C16orf89: variants seen among roughly 807,000 people sequenced by gnomAD.
The protein encoded by C16orf89 is UPF0764 protein C16orf89.
C16orf89 carries 57 observed loss-of-function variants against 41.5 expected under a neutral mutation model. The ratio of observed to expected loss-of-function variants is 1.38; its 90% confidence interval spans 1.11 to 1.71. C16orf89 has a LOEUF of 1.71. C16orf89 is among the 40% of genes most tolerant of loss of function. The probability of loss-of-function intolerance (pLI) is 0.00; values close to 1 mark genes in which losing one functional copy is unlikely to be tolerated. For missense variants in C16orf89, 575 were observed against 445.9 expected, an observed-to-expected ratio of 1.29 and a Z score of -2.61; for synonymous variants, 223 against 190.6, an observed-to-expected ratio of 1.17 and a Z score of -1.40.
At chr16:5,054,678 A>G (rs1223442619) in intron 6 of C16orf89, among the ~76,000 whole-genome samples, 1 of 152,154 alleles carries the variant, frequency 6.6e-6, no homozygotes. Flanking sequence ...CTTGAATTGT[A>G]GCTCCCATAA....
intron 1 of C16orf89, among the ~76,000 whole-genome samples, chr16:5,063,565 C>T (rs1956671916): frequency 6.6e-6 from 1 of 152,218 alleles, no homozygotes; most frequent in South Asian, 2.1e-4. Flanking sequence ...CACTCCCCAT[C>T]ATTCGCTGTC....
At chr16:5,060,757 G>A (rs928771698) in intron 2 of C16orf89, among the ~76,000 whole-genome samples, 1 of 151,760 alleles carries the variant, frequency 6.6e-6, no homozygotes, top group Non-Finnish European at 1.5e-5. Context: ...CCCAGCACTT[G>A]GGGAGGCTAA....
Position 5,044,204 on chromosome 16 carries a change from C to T in C16orf89, c.*144G>A. On this transcript the variant is annotated 3_prime_UTR_variant, in exon 8 of 8. Transcript: ENST00000472572. ...CTACCCTGGCCTTGCCTACTCAGGG[C>T]TTCCAAGATTGGGTGTCGGGGTGGC... is the stretch of plus-strand genomic sequence containing the variant. 1 of 1,407,606 alleles carries T rather than the reference C, an allele frequency of 7.1e-7. No individual in the cohort carries two copies. Among genetic ancestry groups the T allele is most frequent in the Non-Finnish European group, 9.2e-7 (1 of 1,085,784 alleles). The allele number at this position is 1,407,606 out of a possible 1,614,324, so 87.2% of individuals were successfully genotyped here. A position where few individuals can be genotyped will look rare whatever the true frequency, so the allele number is the denominator to read the frequency against.
chr16:5,058,754 A>C (rs1351495446), intron 3 of C16orf89, 144 bp from the exon 4 acceptor site: 4 of 597,912 alleles, frequency 6.7e-6, no homozygotes, highest in Non-Finnish European at 5.7e-6. Flanking sequence ...ACAATACAGC[A>C]GTCCTGCATT....
chr16:5,054,876 A>T (rs187819866), intron 6 of C16orf89, among the ~76,000 whole-genome samples: 331 of 152,282 alleles, frequency 2.2e-3, no homozygotes, highest in Non-Finnish European at 3.9e-3. Context: ...GCCTTCCACT[A>T]TGATTGTGAG....
intron 2 of C16orf89, among the ~76,000 whole-genome samples, chr16:5,060,709 A>C (rs1437049397): frequency 6.6e-6 from 1 of 152,118 alleles, no homozygotes; most frequent in African/African-American, 2.4e-5. Context: ...GATAAATAAA[A>C]GGTTTAGTTT....
chr16:5,044,843 C>CA (rs77991061), intron 7 of C16orf89: 115,139 of 774,868 alleles, frequency 0.15, 27 homozygotes, highest in Non-Finnish European at 0.16. Context: ...GAATCTGTCT[C>CA]AAAAAAAAAA....
Position 5,062,647 on chromosome 16 carries a change from A to G in C16orf89, c.209-73T>C, listed in dbSNP as rs186513832. ...TTTTTTTGCCTTGGAACAAGAAAAAAAAATGCCCCAAAGTCTAATGCTTCC... is the reference window on the plus strand; with the variant it reads ...TTTTTTTGCCTTGGAACAAGAAAAAGAAATGCCCCAAAGTCTAATGCTTCC... On this transcript the variant is annotated intron_variant, in intron 1 of 7. Transcript: ENST00000472572. 9.9e-5 allele frequency: 143 copies of G among 1,442,928 alleles called. No homozygotes were observed. In the East Asian group the frequency reaches 3.1e-3, roughly 31 times the overall value. The allele number at this position is 1,442,928 out of a possible 1,614,324, so 89.4% of individuals were successfully genotyped here.
At chr16:5,053,543 T>G (rs907797544) in intron 6 of C16orf89, among the ~76,000 whole-genome samples, 7 of 135,870 alleles carry the variant, frequency 5.2e-5, no homozygotes, top group Non-Finnish European at 9.4e-5. Context: ...AATTTGTGGT[T>G]TTTTTTTTTT....
At chr16:5,054,430 A>C (rs1956452396) in intron 6 of C16orf89, among the ~76,000 whole-genome samples, 2 of 152,000 alleles carry the variant, frequency 1.3e-5, no homozygotes, top group Admixed American at 1.3e-4. Flanking sequence ...CCAGTCACCC[A>C]CCTGGAGAGC....
At chr16:5,057,054 A>G (rs528464956) in intron 4 of C16orf89, among the ~76,000 whole-genome samples, 23 of 151,982 alleles carry the variant, frequency 1.5e-4, no homozygotes, top group Admixed American at 7.2e-4. Flanking sequence ...CCTGGCCAAC[A>G]TGGTGAAACC....
intron 6 of C16orf89, 70 bp from the exon 7 acceptor site, chr16:5,048,034 T>A: frequency 1.2e-6 from 1 of 853,472 alleles, no homozygotes; most frequent in East Asian, 2.7e-5. Context: ...TTCTTTTTAC[T>A]GCTTTTATTG....
Position 5,055,316 on chromosome 16 carries a change from G to T in C16orf89, c.798C>A (p.Phe266Leu). 1 of 1,613,262 alleles carries T rather than the reference G, an allele frequency of 6.2e-7. No homozygotes were observed. Among genetic ancestry groups the T allele is most frequent in the East Asian group, 2.2e-5 (1 of 44,842 alleles). The change falls in exon 6 of 8, where the codon TTC (phenylalanine) becomes TTA (leucine). Residue 266 changes from phenylalanine (F) to leucine (L), a missense_variant. By Grantham distance (22) the Phe-to-Leu change is conservative. Transcript: ENST00000472572. Reference protein sequence around the residue: ...MFCGMGGFSDFYKLRWLEAIL... With the variant: ...MFCGMGGFSDLYKLRWLEAIL... ...TGGCCTCCAGCCACCGGAGCTTGTAGAAGTCGGAGAAGCCGCCCATTCCAC... is the reference window on the plus strand; with the variant it reads ...TGGCCTCCAGCCACCGGAGCTTGTATAAGTCGGAGAAGCCGCCCATTCCAC...
At chr16:5,047,289 C>A (rs1442449943) in intron 7 of C16orf89, among the ~76,000 whole-genome samples, 3 of 152,156 alleles carry the variant, frequency 2.0e-5, no homozygotes, top group Non-Finnish European at 4.4e-5. Flanking sequence ...GCTCTTACAA[C>A]ACCTCTGAGA....
In C16orf89 at chr16:5,065,691, G is replaced by A. The variant is rs749960563; in HGVS notation, c.208+10C>T. The A allele has an allele frequency of 1.2e-6, 2 of 1,608,040 alleles. No homozygotes were observed. Among genetic ancestry groups the A allele is most frequent in the South Asian group, 2.2e-5 (2 of 90,934 alleles). On this transcript the variant is annotated intron_variant, in intron 1 of 7. Coordinates refer to ENST00000472572, the MANE Select transcript of C16orf89 (RefSeq NM_001098514.3). ...CCAGTGTCCAGCCAGAGGAATTGGG[G>A]CTCACTCACCTTCCAGCACTCGGAC... is the stretch of plus-strand genomic sequence containing the variant.
chr16:5,058,911 C>A (rs1184443021), intron 3 of C16orf89, among the ~76,000 whole-genome samples: 3 of 152,044 alleles, frequency 2.0e-5, no homozygotes, highest in Non-Finnish European at 1.5e-5. Context: ...GTACTTGAAC[C>A]CAGACCACTT....
chr16:5,055,642 T>C lies in C16orf89; in HGVS notation c.764-292A>G, dbSNP rs915301025. 23 of 1,498,430 alleles carry C rather than the reference T, an allele frequency of 1.5e-5. No homozygotes were observed. In the Admixed American group the frequency reaches 4.6e-4, roughly 30 times the overall value. The allele number at this position is 1,498,430 out of a possible 1,614,324, so 92.8% of individuals were successfully genotyped here. A position where few individuals can be genotyped will look rare whatever the true frequency, so the allele number is the denominator to read the frequency against. On this transcript the variant is annotated intron_variant, in intron 5 of 7. Coordinates refer to ENST00000472572, the MANE Select transcript of C16orf89 (RefSeq NM_001098514.3). ...AGCTAGCAGCCTCCCAAGCGCTCCC[T>C]GTCTGCCTCATCCATAAGGCTTTGT...
At chr16:5,058,102 C>G (rs1180030834) in intron 4 of C16orf89, among the ~76,000 whole-genome samples, 1 of 152,064 alleles carries the variant, frequency 6.6e-6, no homozygotes, top group Non-Finnish European at 1.5e-5. Context: ...CAGAACTACA[C>G]TGCCATGAGC....
At chr16:5,057,273 T>C (rs1596697461) in intron 4 of C16orf89, among the ~76,000 whole-genome samples, 1 of 134,186 alleles carries the variant, frequency 7.5e-6, no homozygotes, top group African/African-American at 2.7e-5. Context: ...TATACATATA[T>C]ATATGTATAT....
Sources: allele counts gnomAD v4.1 joint callset (sites outside exome capture counted in the v4.1 genomes callset), GRCh38; gene constraint gnomAD v4.1.1; transcripts MANE v1.5; gene names NCBI Gene and HGNC (gene_info 2026-07-23, HGNC 2026-07-21).